The following GRAMD4 variants were observed in gnomAD, a reference collection of about 807,000 sequenced individuals.
The protein encoded by GRAMD4 is GRAM domain-containing protein 4.
GRAMD4 carries 25 observed loss-of-function variants against 83.9 expected under a neutral mutation model. The ratio of observed to expected loss-of-function variants is 0.30; its 90% CI spans 0.22 to 0.42. The LOEUF is 0.42. GRAMD4 is among the 10% of genes least tolerant of loss of function. The probability of loss-of-function intolerance (pLI) is 1.00; values close to 1 mark genes in which losing one functional copy is unlikely to be tolerated. For missense variants in GRAMD4, 593 were observed against 788.7 expected, an observed-to-expected ratio of 0.75 and a Z score of 2.97; for synonymous variants, 336 against 320.9, an observed-to-expected ratio of 1.05 and a Z score of -0.50.
intron 17 of GRAMD4, among the ~76,000 whole-genome samples, chr22:46,675,868 C>T (rs1009167921): frequency 3.9e-5 from 6 of 152,242 alleles, no homozygotes; most frequent in Non-Finnish European, 5.9e-5. Flanking sequence ...TAAAGAAAAG[C>T]ACAGGGGCCC....
chr22:46,673,043 G>C, intron 14 of GRAMD4, 46 bp downstream of exon 14: 1 of 1,454,140 alleles, frequency 6.9e-7, no homozygotes, highest in Non-Finnish European at 9.2e-7. Flanking sequence ...GGGGGGCCAC[G>C]AAGCCGGGCA....
Position 46,626,752 on chromosome 22 carries a change from G to A in GRAMD4, c.-48G>A, listed in dbSNP as rs771979547. ...AGTGACCACGCCCCTCTCTTGCAGGGAACCCGAGCGTCATGTTAGGGTGAA... is the reference window on the plus strand; with the variant it reads ...AGTGACCACGCCCCTCTCTTGCAGGAAACCCGAGCGTCATGTTAGGGTGAA... On this transcript the variant is annotated splice_region_variant and 5_prime_UTR_variant, in exon 2 of 19. Transcript: ENST00000406902. The A allele has an allele frequency of 6.3e-7, 1 of 1,595,098 alleles. No homozygotes were observed. Among genetic ancestry groups the A allele is most frequent in the Non-Finnish European group, 8.6e-7 (1 of 1,166,150 alleles).
intron 9 of GRAMD4, among the ~76,000 whole-genome samples, chr22:46,665,978 C>T (rs565093309): frequency 1.3e-5 from 2 of 152,192 alleles, no homozygotes; most frequent in African/African-American, 2.4e-5. Flanking sequence ...GCCCGAACAT[C>T]GCAGGGGGCT....
Position 46,638,398 on chromosome 22 carries a change from G to A in GRAMD4, c.283+438G>A, listed in dbSNP as rs573546587. Among the ~76,000 whole-genome samples the A allele has an allele frequency of 3.1e-4, 48 of 152,388 alleles. 1 individual carries two copies. The South Asian group carries it at 6.6e-3, about 21-fold the overall frequency. ...CTTATGTTTGTTCTGGTTGGTTTGTGTCTCCAGGAGGGAGGTGGGGCAGTA... is the reference window on the plus strand; with the variant it reads ...CTTATGTTTGTTCTGGTTGGTTTGTATCTCCAGGAGGGAGGTGGGGCAGTA... On this transcript the variant is annotated intron_variant, in intron 3 of 18. Transcript: ENST00000406902.
intron 3 of GRAMD4, among the ~76,000 whole-genome samples, chr22:46,651,197 G>C (rs1287761024): frequency 2.0e-5 from 3 of 152,232 alleles, no homozygotes; most frequent in Non-Finnish European, 2.9e-5. Context: ...GAGCTCCCTT[G>C]GGACTTAGGT....
At chr22:46,676,063 G>A (rs929529658) in intron 17 of GRAMD4, among the ~76,000 whole-genome samples, 1 of 152,254 alleles carries the variant, frequency 6.6e-6, no homozygotes, top group Non-Finnish European at 1.5e-5. Context: ...CACTTGGCCC[G>A]AGTGGTCAGG....
At chr22:46,633,813 G>C (rs937754034) in intron 2 of GRAMD4, among the ~76,000 whole-genome samples, 1 of 152,106 alleles carries the variant, frequency 6.6e-6, no homozygotes, top group Admixed American at 6.5e-5. Context: ...GGTGGGCTCC[G>C]GGGGTCCCGG....
In GRAMD4 at chr22:46,677,529, G is replaced by A. The variant is rs1027273969; in HGVS notation, c.*278G>A. 12 of 1,198,676 alleles carry A rather than the reference G, an allele frequency of 1.0e-5. No individual in the cohort carries two copies. Among genetic ancestry groups the A allele is most frequent in the African/African-American group, 7.7e-5 (5 of 64,828 alleles). 74.3% of individuals were successfully genotyped at this position (1,198,676 alleles called of 1,614,324 possible). On this transcript the variant is annotated 3_prime_UTR_variant, in exon 19 of 19. Coordinates refer to ENST00000406902, the MANE Select transcript of GRAMD4 (RefSeq NM_015124.5). The stretch of plus-strand genomic sequence containing the variant: ...AGGGGGCAGAGGCCCTCGGGGGCCC[G>A]TGGAGAAGACACACAGGACCCCTGG...
In GRAMD4 at chr22:46,672,871, C is replaced by G. The variant is rs2147405206; in HGVS notation, c.1113C>G (p.Leu371=). The G allele has an allele frequency of 6.2e-7, 1 of 1,612,850 alleles. No homozygotes were observed. The highest frequency in any genetic ancestry group is 1.3e-5 in the African/African-American group (1 of 75,024). The part of the protein sequence containing the change: ...VGLYAGIKFF[L]IDFIFKRCPR... ...TCTATGCTGGTATCAAGTTCTTCCTCATTGATTTCATCTTTAAACGCTGCC... is the reference window on the plus strand; with the variant it reads ...TCTATGCTGGTATCAAGTTCTTCCTGATTGATTTCATCTTTAAACGCTGCC... The change falls in exon 14 of 19, where the codon CTC becomes CTG. Residue 371 remains leucine, a synonymous_variant. Coordinates refer to ENST00000406902, the MANE Select transcript of GRAMD4 (RefSeq NM_015124.5). This position sits in a 1 kb window ranked among gnomAD's most constrained non-coding sequence, Gnocchi z 4.7.
intron 17 of GRAMD4, 148 bp downstream of exon 17, chr22:46,675,700 A>G (rs2082586909): frequency 1.6e-6 from 1 of 644,332 alleles, no homozygotes; most frequent in Admixed American, 2.6e-5. Context: ...CGTTTCCTTG[A>G]CTTGAGTCCC....
At chr22:46,582,762 T>G (rs2081110570) in intron 1 of GRAMD4, among the ~76,000 whole-genome samples, 1 of 152,160 alleles carries the variant, frequency 6.6e-6, no homozygotes, top group South Asian at 2.1e-4. Flanking sequence ...AATTCACACA[T>G]CATACAACAC....
At chr22:46,582,604 C>T (rs899544252) in intron 1 of GRAMD4, among the ~76,000 whole-genome samples, 7 of 152,136 alleles carry the variant, frequency 4.6e-5, no homozygotes, top group Non-Finnish European at 8.8e-5. Context: ...TGCCTGGTAT[C>T]CTGGGACCCT....
intron 2 of GRAMD4, among the ~76,000 whole-genome samples, chr22:46,636,215 TGGATG>T (rs2081885708): frequency 6.6e-6 from 1 of 152,218 alleles, no homozygotes; most frequent in African/African-American, 2.4e-5. Context: ...TCTGTCCTCC[TGGATG>T]GGTGCTTGTG....
At position 46,586,147 on chromosome 22, in the gene GRAMD4, G is replaced by A. The variant is rs1269493419; in HGVS notation, c.-50+8857G>A. Among the ~76,000 whole-genome samples, 10 of 152,036 alleles carry A rather than the reference G, an allele frequency of 6.6e-5. No individual in the cohort carries two copies. In the East Asian group the frequency reaches 1.8e-3, roughly 27 times the overall value. On this transcript the variant is annotated intron_variant, in intron 1 of 1. Coordinates refer to the GRAMD4 transcript ENST00000431155. ...AGCCCGGGGAGCCAGGGCTGCCCTCGCTGGGGATGCCAGCATTCTTGGGAA... is the reference window on the plus strand; with the variant it reads ...AGCCCGGGGAGCCAGGGCTGCCCTCACTGGGGATGCCAGCATTCTTGGGAA...
exon 1 of GRAMD4, chr22:46,577,261 G>A (rs1010753573): frequency 1.0e-6 from 1 of 978,904 alleles, no homozygotes; most frequent in African/African-American, 1.8e-5. Context: ...GCGGCGGGTG[G>A]ATGAGAGTTG....
chr22:46,644,938 C>CG (rs1157498378), intron 3 of GRAMD4, among the ~76,000 whole-genome samples: 2 of 89,648 alleles, frequency 2.2e-5, no homozygotes, highest in Non-Finnish European at 4.0e-5. Context: ...TTTGTGGAGA[C>CG]GGGGCTTCAC....
chr22:46,673,023 A>T (rs1204124951), intron 14 of GRAMD4, 26 bp downstream of exon 14: 4 of 1,515,272 alleles, frequency 2.6e-6, no homozygotes, highest in Non-Finnish European at 2.6e-6. Flanking sequence ...AGCTGCGGGG[A>T]TGGGGGGATG....
chr22:46,621,807 G>A lies in GRAMD4; in HGVS notation c.-50+1242G>A, dbSNP rs2147141611. The stretch of plus-strand genomic sequence containing the variant: ...CATCCCTGGTGGTGAAGGCTGGAAG[G>A]TCCATCCCTGGCAGTGTGTGGTGAC... On this transcript the variant is annotated intron_variant, in intron 1 of 18. Transcript: ENST00000406902. The surrounding 1 kb of genome is among the most constrained non-coding windows in gnomAD (Gnocchi z 5.8). 6.6e-6 allele frequency among the ~76,000 whole-genome samples: 1 copy of A among 152,358 alleles called. No individual in the cohort carries two copies. Among genetic ancestry groups the A allele is most frequent in the East Asian group, 1.9e-4 (1 of 5,188 alleles).
chr22:46,577,245 G>C (rs2081050767), exon 1 of GRAMD4: 2 of 977,010 alleles, frequency 2.0e-6, no homozygotes, highest in South Asian at 9.4e-5. Flanking sequence ...CGGCGAGGGG[G>C]GCGCCGCGGC....
Sources: gnomAD v4.1 joint callset for allele counts (sites outside exome capture counted in the v4.1 genomes callset) on GRCh38, gnomAD v4.1.1 for gene constraint, Gnocchi (gnomAD v3.1) non-coding constraint, MANE v1.5 for transcripts, NCBI Gene and HGNC (gene_info 2026-07-23, HGNC 2026-07-21) for gene names.